C5: variants seen among roughly 807,000 people sequenced by gnomAD.
C5 encodes C3 and PZP-like alpha-2-macroglobulin domain-containing protein 4.
A neutral mutation model predicts 218.8 loss-of-function variants in C5; 140 were observed. The ratio of observed to expected loss-of-function variants is 0.64; its 90% CI spans 0.56 to 0.74. C5 has a LOEUF of 0.74. C5 is among the 30% of genes least tolerant of loss of function. The pLI is 0.00. For missense variants in C5, 1,700 were observed against 1,969.6 expected (o/e 0.86, Z 2.59); for synonymous variants, 614 against 682.3 (o/e 0.90, Z 1.56).
chr9:121,002,312 G>GTATATA, intron 20 of C5, among the ~76,000 whole-genome samples: 1 of 64,698 alleles, frequency 1.5e-5, no homozygotes, highest in Non-Finnish European at 3.0e-5. Context: ...ATATATATGT[G>GTATATA]TGTGTATATA....
chr9:120,963,534 A>G, intron 34 of C5, 102 bp downstream of exon 34: 1 of 867,288 alleles, frequency 1.2e-6, no homozygotes, highest in Non-Finnish European at 1.9e-6. Flanking sequence ...GGGTGATTCT[A>G]TAAAAGTGGT....
intron 1 of C5, among the ~76,000 whole-genome samples, chr9:121,048,605 C>T (rs10818500): frequency 0.51 from 78,106 of 152,048 alleles, 22,510 homozygotes; most frequent in South Asian, 0.8. Flanking sequence ...TGATGGTAGC[C>T]GTCAAGCAAA....
At chr9:121,028,096 C>T (rs564250223) in intron 7 of C5, among the ~76,000 whole-genome samples, 17 of 152,260 alleles carry the variant, frequency 1.1e-4, no homozygotes, top group Non-Finnish European at 1.9e-4. Flanking sequence ...TGAAAAAATG[C>T]TCATCATCAC....
chr9:121,005,727 G>T (rs1342203006), intron 20 of C5, among the ~76,000 whole-genome samples, 192 bp downstream of exon 20: 1 of 152,276 alleles, frequency 6.6e-6, no homozygotes, highest in East Asian at 1.9e-4. Flanking sequence ...ATACCTACTT[G>T]TCCTTCCTCC....
upstream of C5, among the ~76,000 whole-genome samples, chr9:121,054,766 C>T (rs1200060704): frequency 6.6e-6 from 1 of 152,128 alleles, no homozygotes; most frequent in Non-Finnish European, 1.5e-5. Context: ...GCAAAGCTAT[C>T]TTTTGTGAGT....
At chr9:120,978,101 T>C (rs1428907906) in intron 28 of C5, among the ~76,000 whole-genome samples, 1 of 152,174 alleles carries the variant, frequency 6.6e-6, no homozygotes. Flanking sequence ...CCTAAAGCCT[T>C]AGTTCAGTCT....
Position 120,998,406 on chromosome 9 carries a change from G to A in C5, c.2563-632C>T, listed in dbSNP as rs1363608002. The stretch of plus-strand genomic sequence containing the variant: ...TTACCCTGTCTCTTTACATGTTTGT[G>A]TTTCAGATAGTGGGAGCCTTAGGCT... On this transcript the variant is annotated intron_variant, in intron 20 of 40. Coordinates refer to ENST00000223642, the MANE Select transcript of C5 (RefSeq NM_001735.3). 4.6e-5 allele frequency among the ~76,000 whole-genome samples: 7 copies of A among 152,334 alleles called. No homozygotes were observed. The East Asian group carries it at 1.3e-3, about 29-fold the overall frequency.
At chr9:121,025,362 A>G (rs1045090280) in intron 9 of C5, 92 bp downstream of exon 9, 5 of 1,285,794 alleles carry the variant, frequency 3.9e-6, no homozygotes, top group Non-Finnish European at 5.1e-6. Flanking sequence ...TAATTATAGA[A>G]ATTGGAAATT....
chr9:120,952,434 G>A lies in C5; in HGVS notation c.*305C>T. ...TTGTAATACTCCCTTTCAATGGACT[G>A]TTCTTTCGGCCCCAGCAAACATTCC... On this transcript the variant is annotated 3_prime_UTR_variant, in exon 41 of 41. Transcript: ENST00000223642. The A allele has an allele frequency of 2.8e-6, 1 of 352,384 alleles. No individual in the cohort carries two copies. Among genetic ancestry groups the A allele is most frequent in the Non-Finnish European group, 5.5e-6 (1 of 182,178 alleles). The allele number at this position is 352,384 out of a possible 1,614,324, so 21.8% of individuals were successfully genotyped here.
the C5 span, chr9:121,074,661 C>A: frequency 5.3e-6 from 2 of 376,050 alleles, no homozygotes; most frequent in Non-Finnish European, 1.1e-5. Flanking sequence ...CAGAGGGTGG[C>A]GGCGGCAGCT....
At chr9:120,958,644 G>A (rs1333368113) in intron 38 of C5, among the ~76,000 whole-genome samples, 1 of 151,526 alleles carries the variant, frequency 6.6e-6, no homozygotes, top group African/African-American at 2.4e-5. Flanking sequence ...TCTGTTGCCT[G>A]AATTACTATT....
intron 38 of C5, 35 bp downstream of exon 38, chr9:120,960,213 T>C (rs752987024): frequency 6.9e-5 from 91 of 1,315,052 alleles, no homozygotes; most frequent in Non-Finnish European, 9.9e-5. Flanking sequence ...TAAAATTTCA[T>C]GTTTAAAGGA....
chr9:121,031,898 T>C (rs2047478010), intron 6 of C5, among the ~76,000 whole-genome samples: 1 of 152,074 alleles, frequency 6.6e-6, no homozygotes. Context: ...ACCCTGTCTC[T>C]ACTAAAAATA....
Position 120,962,955 on chromosome 9 carries a change from C to T in C5, c.4336G>A (p.Val1446Met). 6.2e-7 allele frequency: 1 copy of T among 1,613,512 alleles called. No individual in the cohort carries two copies. ...EEDLKALVEG[V>M]DQLFTDYQIK... ...TGGTAATCAGTGAATAGTTGATCCA[C>T]CCCTTCCACAAGCTAAGGGGGAAAA... The change falls in exon 35 of 41, where the codon GTG (valine) becomes ATG (methionine). Residue 1446 changes from valine (V) to methionine (M), a missense_variant. Physicochemically the swap from Val to Met is conservative, Grantham distance 21. Coordinates refer to ENST00000223642, the MANE Select transcript of C5 (RefSeq NM_001735.3).
upstream of C5, among the ~76,000 whole-genome samples, chr9:121,054,095 G>A (rs929109264): frequency 5.3e-5 from 8 of 152,062 alleles, no homozygotes; most frequent in African/African-American, 1.7e-4. Context: ...ATTCCTGGCC[G>A]TGATGGGAAG....
rs1237300457 is a variant in C5 at position 121,050,057 on chromosome 9, T to C, written c.65+125A>G. 4 of 802,922 alleles carry C rather than the reference T, an allele frequency of 5.0e-6. No homozygotes were observed. The East Asian group carries it at 9.9e-5, about 20-fold the overall frequency. The allele number at this position is 802,922 out of a possible 1,614,324, so 49.7% of individuals were successfully genotyped here. ...CCATGACTTTCTCATTCAGAGATGA[T>C]ACTATTCACTTGCTGTTCTCAGAAG... On this transcript the variant is annotated intron_variant, in intron 1 of 40. Coordinates refer to ENST00000223642, the MANE Select transcript of C5 (RefSeq NM_001735.3).
chr9:121,061,354 C>G, the C5 span, among the ~76,000 whole-genome samples: 114,121 of 152,142 alleles, frequency 0.75, 43,189 homozygotes, highest in East Asian at 0.96. Context: ...TTTTCCTCTA[C>G]CTTGGCCAAC....
chr9:120,972,368 A>G (rs564211827), intron 30 of C5, among the ~76,000 whole-genome samples: 2 of 152,274 alleles, frequency 1.3e-5, no homozygotes, highest in South Asian at 2.1e-4. Flanking sequence ...CTGTGTGCCA[A>G]TGGAGATCGT....
Position 120,996,254 on chromosome 9 carries a change from G to C in C5, c.2837C>G (p.Pro946Arg). Reference sequence around the variant, plus strand: ...ATTTTGCCTACCATAAATACCCCTAGGATCCAAAGTAACACCAGAATAGCT... The same window carrying C: ...ATTTTGCCTACCATAAATACCCCTACGATCCAAAGTAACACCAGAATAGCT... The part of the protein sequence containing the change: ...RESYSGVTLD[P>R]RGIYGTISRR... Residue 946 changes from proline to arginine, a missense_variant, in exon 22 of 41, where the codon CCT becomes CGT. By Grantham distance (103) the Pro-to-Arg change is moderately radical (BLOSUM62 -2). Transcript: ENST00000223642. The C allele has an allele frequency of 6.2e-7, 1 of 1,610,394 alleles. No homozygotes were observed. The highest frequency in any genetic ancestry group is 8.5e-7 in the Non-Finnish European group (1 of 1,176,772).
Sources: gnomAD v4.1 joint callset for allele counts (sites outside exome capture counted in the v4.1 genomes callset) on GRCh38, gnomAD v4.1.1 for gene constraint, MANE v1.5 for transcripts, NCBI Gene and HGNC (gene_info 2026-07-23, HGNC 2026-07-21) for gene names.